FHIP1B: variants seen among roughly 807,000 people sequenced by gnomAD.
FHIP1B encodes FHF complex subunit HOOK interacting protein 1B.
A neutral mutation model predicts 82.2 loss-of-function variants in FHIP1B; 28 were observed. The ratio of observed to expected loss-of-function variants is 0.34; its 90% CI spans 0.25 to 0.47. The LOEUF is 0.47. FHIP1B is among the 20% of genes least tolerant of loss of function. The probability of loss-of-function intolerance (pLI) is 1.00; values close to 1 mark genes in which losing one functional copy is unlikely to be tolerated. For synonymous variants in FHIP1B, 585 were observed against 516.1 expected (o/e 1.13, Z -1.81); for missense variants, 1,110 against 1,262.6 (o/e 0.88, Z 1.83).
At chr11:6,228,732 G>A (rs1847626571) in intron 1 of FHIP1B, among the ~76,000 whole-genome samples, 1 of 152,220 alleles carries the variant, frequency 6.6e-6, no homozygotes, top group Non-Finnish European at 1.5e-5. Flanking sequence ...TGAGAAGGTG[G>A]CAAAGCCACA....
chr11:6,211,897 G>T, intron 11 of FHIP1B, 30 bp from the exon 12 acceptor site: 1 of 1,520,606 alleles, frequency 6.6e-7, no homozygotes, highest in African/African-American at 1.4e-5. Flanking sequence ...TCATGAAGGT[G>T]CTGGGATCAG....
rs1847264997 is a variant in FHIP1B at position 6,217,451 on chromosome 11, G to A, written c.2135C>T (p.Thr712Ile). The A allele has an allele frequency of 6.2e-7, 1 of 1,613,978 alleles. No homozygotes were observed. Among genetic ancestry groups the A allele is most frequent in the African/African-American group, 1.3e-5 (1 of 75,034 alleles). ...LEEEEAYESF[T>I]CPPEPPGPFL... ...GGGGCCAGGGGGCTCAGGGGGACAGGTGAAGCTCTCGTAGGCCTCCTCCTC... is the reference window on the plus strand; with the variant it reads ...GGGGCCAGGGGGCTCAGGGGGACAGATGAAGCTCTCGTAGGCCTCCTCCTC... The change falls in exon 9 of 12, where the codon ACC (threonine) becomes ATC (isoleucine). Residue 712 changes from threonine (T) to isoleucine (I), a missense_variant. Thr to Ile is a moderately conservative substitution (Grantham distance 89, BLOSUM62 -1). Coordinates refer to ENST00000449352, the MANE Select transcript of FHIP1B (RefSeq NM_001098794.2).
chr11:6,226,992 C>G (rs554693184), intron 1 of FHIP1B, among the ~76,000 whole-genome samples: 1 of 152,140 alleles, frequency 6.6e-6, no homozygotes, highest in Non-Finnish European at 1.5e-5. Flanking sequence ...ATCTGAGATT[C>G]GCCTCTATCT....
In FHIP1B at chr11:6,223,814, A is replaced by G; in HGVS notation, c.573T>C (p.Pro191=). 1 of 1,614,220 alleles carries G rather than the reference A, an allele frequency of 6.2e-7. No individual in the cohort carries two copies. The highest frequency in any genetic ancestry group is 1.1e-5 in the South Asian group (1 of 91,088). The change falls in exon 3 of 12, where the codon CCT becomes CCC. Residue 191 remains proline, a synonymous_variant. Coordinates refer to ENST00000449352, the MANE Select transcript of FHIP1B (RefSeq NM_001098794.2). This position sits in a 1 kb window ranked among gnomAD's most constrained non-coding sequence, Gnocchi z 4.8. ...SQLCVCVAQE[P]SLLEFFLQPP... is the part of the protein sequence containing the mutation. ...GCTGCAGGAAGAACTCGAGCAATGAAGGCTCCTGGGCCACACAAACACACA... is the reference window on the plus strand; with the variant it reads ...GCTGCAGGAAGAACTCGAGCAATGAGGGCTCCTGGGCCACACAAACACACA...
chr11:6,229,772 A>G (rs1290013637), intron 1 of FHIP1B, among the ~76,000 whole-genome samples: 1 of 152,160 alleles, frequency 6.6e-6, no homozygotes, highest in Non-Finnish European at 1.5e-5. Flanking sequence ...AAAGACCTCA[A>G]GAGAAGATGT....
Position 6,223,038 on chromosome 11 carries a change from T to G in FHIP1B, c.936+42A>C. ...TCCAGGGAATATACCCCCTCCTACC[T>G]AATCTCCCAAAAATGACCAAGGGCC... On this transcript the variant is annotated intron_variant, in intron 4 of 11. Transcript: ENST00000449352. The surrounding 1 kb of genome is among the most constrained non-coding windows in gnomAD (Gnocchi z 4.8). The G allele has an allele frequency of 6.4e-7, 1 of 1,572,764 alleles. No individual in the cohort carries two copies. The highest frequency in any genetic ancestry group is 8.6e-7 in the Non-Finnish European group (1 of 1,160,946).
intron 5 of FHIP1B, 33 bp downstream of exon 5, chr11:6,222,777 GC>G: frequency 6.2e-7 from 1 of 1,604,654 alleles, no homozygotes; most frequent in Non-Finnish European, 8.5e-7. Flanking sequence ...CTGCAGCTTA[GC>G]CCCTTATATG....
Position 6,217,621 on chromosome 11 carries a change from C to G in FHIP1B, c.1965G>C (p.Glu655Asp). Residue 655 changes from glutamate to aspartate, a missense_variant, in exon 9 of 12, where the codon GAG becomes GAC. Physicochemically the swap from Glu to Asp is conservative, Grantham distance 45. Coordinates refer to ENST00000449352, the MANE Select transcript of FHIP1B (RefSeq NM_001098794.2). ...TGCCCTCTAGCAGTTCCCCAGCTCC[C>G]TCCTTTGGCACCAGACGAACCTTCT... ...GAKKVRLVPK[E>D]GAGELLEGIS... The G allele has an allele frequency of 6.2e-7, 1 of 1,613,892 alleles. No individual in the cohort carries two copies. The highest frequency in any genetic ancestry group is 1.6e-4 in the Middle Eastern group (1 of 6,062).
At chr11:6,233,663 A>G (rs574622665) in intron 1 of FHIP1B, among the ~76,000 whole-genome samples, 131 of 152,358 alleles carry the variant, frequency 8.6e-4, no homozygotes, top group African/African-American at 2.8e-3. Flanking sequence ...TAAATATAGT[A>G]CTGTATAGGG....
At chr11:6,233,945 A>G (rs958276801) in intron 1 of FHIP1B, among the ~76,000 whole-genome samples, 1 of 152,190 alleles carries the variant, frequency 6.6e-6, no homozygotes, top group Admixed American at 6.5e-5. Flanking sequence ...TTACCATAGT[A>G]CTATTGCCTA....
chr11:6,212,586 G>GA (rs1286281617), intron 11 of FHIP1B, among the ~76,000 whole-genome samples: 1 of 152,148 alleles, frequency 6.6e-6, no homozygotes, highest in Non-Finnish European at 1.5e-5. Flanking sequence ...AGGCTCAAGT[G>GA]AGCCATTCAA....
chr11:6,212,373 T>C (rs1847097226), intron 11 of FHIP1B, among the ~76,000 whole-genome samples: 1 of 152,188 alleles, frequency 6.6e-6, no homozygotes, highest in African/African-American at 2.4e-5. Flanking sequence ...AGCCTATCTA[T>C]AACACCCAAC....
At chr11:6,232,691 A>T (rs529786985) in intron 1 of FHIP1B, among the ~76,000 whole-genome samples, 1 of 152,362 alleles carries the variant, frequency 6.6e-6, no homozygotes, top group South Asian at 2.1e-4. Context: ...AATGCTGTTC[A>T]GATGTTAAGT....
At chr11:6,225,148 G>C (rs1266826345) in intron 1 of FHIP1B, among the ~76,000 whole-genome samples, 1 of 152,108 alleles carries the variant, frequency 6.6e-6, no homozygotes, top group Non-Finnish European at 1.5e-5. Context: ...CCTGTCCTCT[G>C]CTGAATACTC....
intron 9 of FHIP1B, 85 bp downstream of exon 9, chr11:6,217,286 G>A (rs1276796237): frequency 7.9e-7 from 1 of 1,269,254 alleles, no homozygotes; most frequent in Admixed American, 1.8e-5. Flanking sequence ...AAATGACATG[G>A]CCAAGAGGTC....
Position 6,222,891 on chromosome 11 carries a change from G to C in FHIP1B, c.943C>G (p.His315Asp). ...ACCAACTGCTTCTGCACCAGGGGGT[G>C]AGCCACCTGTAGGAGTGCCAGAGAG... ...EFCNAVIQVA[H>D]PLVQKQLVDY... Residue 315 changes from histidine to aspartate, a missense_variant, in exon 5 of 12, where the codon CAC (histidine) becomes GAC (aspartate). By Grantham distance (81) the His-to-Asp change is moderately conservative. This residue lies in a region of FHIP1B where 467 missense variants were observed against 602.9 expected (regional missense o/e 0.77). Coordinates refer to ENST00000449352, the MANE Select transcript of FHIP1B (RefSeq NM_001098794.2). 1.2e-6 allele frequency: 2 copies of C among 1,614,028 alleles called. No homozygotes were observed. Among genetic ancestry groups the C allele is most frequent in the Non-Finnish European group, 1.7e-6 (2 of 1,179,902 alleles).
intron 1 of FHIP1B, among the ~76,000 whole-genome samples, chr11:6,224,942 A>C (rs1180586206): frequency 1.3e-5 from 2 of 152,252 alleles, no homozygotes; most frequent in Non-Finnish European, 2.9e-5. Context: ...CTCAAGCTGA[A>C]AATGTGTACA....
rs761780365 is a variant in FHIP1B at position 6,211,704 on chromosome 11, G to T, written c.2721C>A (p.Thr907=). 6.2e-6 allele frequency: 10 copies of T among 1,614,108 alleles called. 1 individual carries two copies. In the South Asian group the frequency reaches 9.9e-5, roughly 16 times the overall value. ...SPGASTPVLL[T]RGGAPERQGE... ...CTTGGCGTTCAGGGGCCCCGCCCCG[G>T]GTGAGTAGAACTGGAGTTGAAGCCC... The change falls in exon 12 of 12, where the codon ACC becomes ACA. Residue 907 remains threonine, a synonymous_variant. Transcript: ENST00000449352.
chr11:6,218,301 T>C, intron 8 of FHIP1B, 151 bp from the exon 9 acceptor site: 3 of 1,186,112 alleles, frequency 2.5e-6, no homozygotes, highest in Non-Finnish European at 3.4e-6. Flanking sequence ...TAATTAACCT[T>C]ATCCTCATCC....
Sources: allele counts gnomAD v4.1 joint callset (sites outside exome capture counted in the v4.1 genomes callset), GRCh38; gene constraint gnomAD v4.1.1; regional missense constraint gnomAD v4.1.1; non-coding constraint Gnocchi (gnomAD v3.1); transcripts MANE v1.5; gene names NCBI Gene and HGNC (gene_info 2026-07-23, HGNC 2026-07-21).